PICALM: variants seen among roughly 807,000 people sequenced by gnomAD.
PICALM encodes the protein phosphatidylinositol-binding clathrin assembly protein.
In PICALM, 40 loss-of-function variants were observed where a neutral mutation model predicts 80.5. The observed-to-expected ratio is 0.50, with a 90% CI of 0.39 to 0.65. The LOEUF is 0.65. Among genes scored for constraint, PICALM ranks in the 30% least tolerant of loss-of-function variants. PICALM has a pLI of 0.00. For missense variants in PICALM, 676 were observed against 778.9 expected (o/e 0.87, Z 1.57); for synonymous variants, 288 against 260.3 (o/e 1.11, Z -1.02).
chr11:85,969,721 G>A (rs1482674541), intron 19 of PICALM: 3 of 364,782 alleles, frequency 8.2e-6, no homozygotes, highest in Non-Finnish European at 1.6e-5. Context: ...GTCTCACTAT[G>A]TTGCCCAGGT....
rs1168067430 is a variant in PICALM, at chr11:86,031,574, G to T, written c.168C>A (p.Ile56=). The T allele has an allele frequency of 6.2e-7, 1 of 1,611,840 alleles. No individual in the cohort carries two copies. Among genetic ancestry groups the T allele is most frequent in the African/African-American group, 1.3e-5 (1 of 74,992 alleles). The change falls in exon 2 of 20, where the codon ATC becomes ATA. Residue 56 remains isoleucine, a synonymous_variant. Transcript: ENST00000393346. The stretch of plus-strand genomic sequence containing the variant: ...CAAATAAACTGTCTGCCAACTGTGG[G>T]ATGTTCACATTCATCTCATTTGTGC... ...IQCTNEMNVN[I]PQLADSLFER...
At chr11:86,007,698 T>C (rs532600865) in intron 7 of PICALM, 115 bp from the exon 8 acceptor site, 1 of 347,388 alleles carries the variant, frequency 2.9e-6, no homozygotes. Context: ...TTCTTAAGAA[T>C]CAGGAAAATA....
chr11:86,009,095 A>G (rs1253047362), intron 7 of PICALM, among the ~76,000 whole-genome samples: 2 of 151,716 alleles, frequency 1.3e-5, no homozygotes, highest in Non-Finnish European at 2.9e-5. Context: ...ACTTGAGGTC[A>G]GGAGTTCCAG....
chr11:86,025,324 C>G (rs989449549), intron 3 of PICALM, among the ~76,000 whole-genome samples: 7 of 151,926 alleles, frequency 4.6e-5, no homozygotes, highest in African/African-American at 1.4e-4. Flanking sequence ...CGCTTGAACC[C>G]GGGAGGCGGA....
chr11:86,010,143 C>T (rs536796024), intron 7 of PICALM, among the ~76,000 whole-genome samples: 1 of 152,234 alleles, frequency 6.6e-6, no homozygotes, highest in African/African-American at 2.4e-5. Context: ...CAAAAAAACC[C>T]CTTAAGAACG....
At chr11:86,060,530 G>T (rs979816002) in intron 1 of PICALM, among the ~76,000 whole-genome samples, 1 of 152,168 alleles carries the variant, frequency 6.6e-6, no homozygotes, top group African/African-American at 2.4e-5. Context: ...AGTGGTTCTT[G>T]AAAGAATAAA....
intron 1 of PICALM, among the ~76,000 whole-genome samples, chr11:86,065,752 A>G (rs896525186): frequency 2.0e-5 from 3 of 152,216 alleles, no homozygotes; most frequent in Non-Finnish European, 4.4e-5. Context: ...AGTCAACACT[A>G]TTATCCACTA....
At chr11:86,029,736 G>A (rs2095715912) in intron 2 of PICALM, among the ~76,000 whole-genome samples, 1 of 152,172 alleles carries the variant, frequency 6.6e-6, no homozygotes, top group African/African-American at 2.4e-5. Context: ...AAGAAGAAAA[G>A]TACATACACG....
chr11:86,061,124 T>C (rs953668766), intron 1 of PICALM, among the ~76,000 whole-genome samples: 2 of 149,630 alleles, frequency 1.3e-5, no homozygotes, highest in African/African-American at 2.5e-5. Flanking sequence ...AGATGAGGAG[T>C]TCAAGACCAG....
intron 18 of PICALM, among the ~76,000 whole-genome samples, chr11:85,975,806 A>C (rs1235155042): frequency 6.6e-6 from 1 of 152,070 alleles, no homozygotes; most frequent in Non-Finnish European, 1.5e-5. Context: ...CATATTGGTC[A>C]GGCTGGTCTT....
At chr11:86,048,058 G>A (rs1218357000) in intron 1 of PICALM, among the ~76,000 whole-genome samples, 4 of 151,890 alleles carry the variant, frequency 2.6e-5, no homozygotes, top group African/African-American at 4.8e-5. Context: ...CCGAGATCCC[G>A]CCACTGCACT....
At chr11:86,067,447 G>A (rs1269062301) in intron 1 of PICALM, among the ~76,000 whole-genome samples, 2 of 152,152 alleles carry the variant, frequency 1.3e-5, no homozygotes, top group East Asian at 1.9e-4. Flanking sequence ...GTACCCTGGG[G>A]TAAAAGAGCG....
chr11:86,025,164 G>A (rs1438934857), intron 3 of PICALM, among the ~76,000 whole-genome samples: 1 of 152,182 alleles, frequency 6.6e-6, no homozygotes, highest in South Asian at 2.1e-4. Flanking sequence ...CACTTTGGGA[G>A]GCCGAGGCAA....
In PICALM at chr11:85,966,494, T is replaced by C. The variant is rs143561450; in HGVS notation, c.1945-7434A>G. On this transcript the variant is annotated intron_variant, in intron 19 of 19. Transcript: ENST00000393346. The stretch of plus-strand genomic sequence containing the variant: ...TTTTCATTTGATCCTTACAGCAAAA[T>C]GATAAAGTACACAAAGTAATACCAC... Among the ~76,000 whole-genome samples, 126 of 152,202 alleles carry C rather than the reference T, an allele frequency of 8.3e-4. 2 individuals are homozygous for C. In the East Asian group the frequency reaches 0.016, roughly 20 times the overall value.
chr11:86,009,704 A>G (rs1039875452), intron 7 of PICALM, among the ~76,000 whole-genome samples: 1 of 152,148 alleles, frequency 6.6e-6, no homozygotes, highest in Non-Finnish European at 1.5e-5. Context: ...AAAACAAACA[A>G]ACAAAAAAAA....
At chr11:85,990,475 G>A in intron 12 of PICALM, 76 bp from the exon 13 acceptor site, 1 of 879,802 alleles carries the variant, frequency 1.1e-6, no homozygotes, top group Non-Finnish European at 1.6e-6. Flanking sequence ...GTCAAAAGAT[G>A]CAAAGTGAAA....
At chr11:86,049,434 T>C (rs987573523) in intron 1 of PICALM, among the ~76,000 whole-genome samples, 6 of 152,244 alleles carry the variant, frequency 3.9e-5, no homozygotes, top group African/African-American at 1.4e-4. Context: ...TTTGTATGTA[T>C]CAATAAATCT....
chr11:86,002,511 T>C (rs1348115451), intron 9 of PICALM, among the ~76,000 whole-genome samples: 1 of 152,250 alleles, frequency 6.6e-6, no homozygotes, highest in Non-Finnish European at 1.5e-5. Context: ...ACTTTCAATT[T>C]GCTAGGTTAA....
At chr11:85,998,013 C>G (rs1484867765) in intron 11 of PICALM, among the ~76,000 whole-genome samples, 2 of 152,064 alleles carry the variant, frequency 1.3e-5, no homozygotes, top group Non-Finnish European at 2.9e-5. Flanking sequence ...AACTCCTGAC[C>G]TCAGATGATC....
Sources: allele counts gnomAD v4.1 joint callset (sites outside exome capture counted in the v4.1 genomes callset), GRCh38; gene constraint gnomAD v4.1.1; transcripts MANE v1.5; gene names NCBI Gene and HGNC (gene_info 2026-07-23, HGNC 2026-07-21).